The following DPYSL2 variants were observed in gnomAD, a reference collection of about 807,000 sequenced individuals.
The protein encoded by DPYSL2 is dihydropyrimidinase-related protein 2.
DPYSL2 carries 13 observed loss-of-function variants against 69.9 expected under a neutral mutation model. That is an observed-to-expected ratio of 0.19 (90% CI 0.12 to 0.30). DPYSL2 has a LOEUF of 0.30. Ranked by LOEUF, DPYSL2 falls within the 10% of genes least tolerant of loss-of-function variation. The pLI, the probability that DPYSL2 is intolerant of heterozygous loss-of-function variation, is 1.00. For synonymous variants in DPYSL2, 326 were observed against 359.1 expected (o/e 0.91, Z 1.04); for missense variants, 587 against 918.9 (o/e 0.64, Z 4.67).
At chr8:26,522,100 G>C (rs562047634) in intron 1 of DPYSL2, among the ~76,000 whole-genome samples, 1 of 152,156 alleles carries the variant, frequency 6.6e-6, no homozygotes, top group African/African-American at 2.4e-5. Context: ...TTGAGGTCAG[G>C]AGTTTGAGAT....
chr8:26,626,796 G>C lies in DPYSL2; in HGVS notation c.855+118G>C. ...TTCCTAGCTTCCTGGGAAGTGGCTG[G>C]TGGATGCAGTTACTGATGTAACTGA... On this transcript the variant is annotated intron_variant, in intron 5 of 13. Transcript: ENST00000521913. This position sits in a 1 kb window ranked among gnomAD's most constrained non-coding sequence, Gnocchi z 4.3. 3 of 1,057,444 alleles carry C rather than the reference G, an allele frequency of 2.8e-6. No homozygotes were observed. Among genetic ancestry groups the C allele is most frequent in the Middle Eastern group, 2.1e-4 (1 of 4,824 alleles). 65.5% of individuals were successfully genotyped at this position (1,057,444 alleles called of 1,614,324 possible).
chr8:26,529,077 G>T (rs1800439776), intron 1 of DPYSL2, among the ~76,000 whole-genome samples: 1 of 152,154 alleles, frequency 6.6e-6, no homozygotes. Context: ...GAATTGGTTA[G>T]CTTGGGAGGT....
In DPYSL2 at chr8:26,654,999, G is replaced by A. The variant is rs113276930; in HGVS notation, c.1943-616G>A. Among the ~76,000 whole-genome samples, 947 of 151,860 alleles carry A rather than the reference G, an allele frequency of 6.2e-3. 11 individuals are homozygous for A. The highest frequency in any genetic ancestry group is 0.022 in the African/African-American group (911 of 41,400). On this transcript the variant is annotated intron_variant, in intron 13 of 13. Transcript: ENST00000521913. This position sits in a 1 kb window ranked among gnomAD's most constrained non-coding sequence, Gnocchi z 5.0. Reference sequence around the variant, plus strand: ...TGGTACTACAGGCTTGCACCATCACGCCTGGCTAATTTTTTAATTTTTTTT... The same window carrying A: ...TGGTACTACAGGCTTGCACCATCACACCTGGCTAATTTTTTAATTTTTTTT...
rs1037866030 is a variant in DPYSL2 at position 26,565,528 on chromosome 8, G to A, written c.355-16441G>A. Among the ~76,000 whole-genome samples the A allele has an allele frequency of 6.6e-6, 1 of 152,170 alleles. No homozygotes were observed. Among genetic ancestry groups the A allele is most frequent in the Non-Finnish European group, 1.5e-5 (1 of 68,032 alleles). ...GCTCAGATAGCCCTTGGAGTGAATG[G>A]CTAAAGATAAGGGCAGGCCAAGGTC... On this transcript the variant is annotated intron_variant, in intron 1 of 13. Coordinates refer to ENST00000521913, the MANE Select transcript of DPYSL2 (RefSeq NM_001197293.3). The surrounding 1 kb of genome is among the most constrained non-coding windows in gnomAD (Gnocchi z 4.1).
intron 8 of DPYSL2, among the ~76,000 whole-genome samples, chr8:26,639,105 G>T (rs1802984968): frequency 6.6e-6 from 1 of 152,170 alleles, no homozygotes; most frequent in African/African-American, 2.4e-5. Context: ...TGTCCTGTGG[G>T]TCAATAGGAG....
At chr8:26,646,348 C>T (rs1803164029) in intron 10 of DPYSL2, among the ~76,000 whole-genome samples, 1 of 152,068 alleles carries the variant, frequency 6.6e-6, no homozygotes, top group Non-Finnish European at 1.5e-5. Flanking sequence ...GTCAAAGTTC[C>T]TTCCAGAAAG....
chr8:26,535,888 T>A (rs1426629593), intron 1 of DPYSL2, among the ~76,000 whole-genome samples: 2 of 141,774 alleles, frequency 1.4e-5, no homozygotes, highest in Admixed American at 1.4e-4. Flanking sequence ...AATTATAAGC[T>A]CTCTATGGGT....
intron 1 of DPYSL2, among the ~76,000 whole-genome samples, chr8:26,547,330 T>C (rs1379489716): frequency 6.6e-6 from 1 of 150,516 alleles, no homozygotes; most frequent in African/African-American, 2.5e-5. Context: ...GCCACTGCAC[T>C]CCAGCCTGGT....
chr8:26,616,115 C>G (rs1406672817), intron 3 of DPYSL2, among the ~76,000 whole-genome samples: 4 of 152,204 alleles, frequency 2.6e-5, no homozygotes, highest in Admixed American at 2.6e-4. Flanking sequence ...AGAGTTTGAA[C>G]TTCTTGTCTA....
chr8:26,577,122 TC>T (rs1801364821), intron 1 of DPYSL2: 1 of 443,122 alleles, frequency 2.3e-6, no homozygotes, highest in African/African-American at 2.1e-5. Flanking sequence ...GATGCCTCCT[TC>T]CCGGCTCGGA....
chr8:26,557,590 C>T (rs776488575), intron 1 of DPYSL2, among the ~76,000 whole-genome samples: 10 of 113,588 alleles, frequency 8.8e-5, no homozygotes, highest in Non-Finnish European at 1.7e-4. Context: ...CCAGCCTGGC[C>T]AACATGGCAA....
intron 11 of DPYSL2, among the ~76,000 whole-genome samples, chr8:26,649,193 G>A (rs575304775): frequency 6.6e-6 from 1 of 152,372 alleles, no homozygotes; most frequent in Admixed American, 6.5e-5. Flanking sequence ...CCAGTCTAAT[G>A]TTACATAGCG....
intron 1 of DPYSL2, among the ~76,000 whole-genome samples, chr8:26,568,229 C>G (rs56823694): frequency 6.6e-6 from 1 of 152,156 alleles, no homozygotes; most frequent in Non-Finnish European, 1.5e-5. Flanking sequence ...GTTGATGACA[C>G]TGTGGGGGTG....
Position 26,517,265 on chromosome 8 carries a change from T to C in DPYSL2, c.354+2586T>C, listed in dbSNP as rs1295460966. ...TTCCTTGACCCACATGCCACATGGC[T>C]CATGGAAGATGAGAGATGTTGGACA... On this transcript the variant is annotated intron_variant, in intron 1 of 13. Transcript: ENST00000521913. This position sits in a 1 kb window ranked among gnomAD's most constrained non-coding sequence, Gnocchi z 4.2. Among the ~76,000 whole-genome samples, 1 of 152,164 alleles carries C rather than the reference T, an allele frequency of 6.6e-6. No individual in the cohort carries two copies. Among genetic ancestry groups the C allele is most frequent in the Non-Finnish European group, 1.5e-5 (1 of 68,028 alleles).
In DPYSL2 at chr8:26,587,002, T is replaced by A. The variant is rs1801621080; in HGVS notation, c.628+3019T>A. Reference sequence around the variant, plus strand: ...TTTGCAAATAACCACCTATGTTTACTGACCTCTGTAGAATTTCTACTAGCC... The same window carrying A: ...TTTGCAAATAACCACCTATGTTTACAGACCTCTGTAGAATTTCTACTAGCC... On this transcript the variant is annotated intron_variant, in intron 3 of 13. Transcript: ENST00000521913. This position sits in a 1 kb window ranked among gnomAD's most constrained non-coding sequence, Gnocchi z 4.2. Among the ~76,000 whole-genome samples, 1 of 152,250 alleles carries A rather than the reference T, an allele frequency of 6.6e-6. No individual in the cohort carries two copies. Among genetic ancestry groups the A allele is most frequent in the Non-Finnish European group, 1.5e-5 (1 of 68,044 alleles).
At chr8:26,529,268 CT>C (rs1283150043) in intron 1 of DPYSL2, among the ~76,000 whole-genome samples, 11 of 149,028 alleles carry the variant, frequency 7.4e-5, no homozygotes, top group African/African-American at 1.5e-4. Context: ...ATCTATCTAT[CT>C]ATCTATCATC....
At chr8:26,529,761 A>G (rs1194742970) in intron 1 of DPYSL2, among the ~76,000 whole-genome samples, 2 of 136,408 alleles carry the variant, frequency 1.5e-5, no homozygotes, top group East Asian at 2.1e-4. Context: ...CAAATGAATT[A>G]TATTTCTGAC....
At chr8:26,578,189 GTCCCCT>G in intron 1 of DPYSL2, 1 of 1,610,436 alleles carries the variant, frequency 6.2e-7, no homozygotes. Context: ...AAAAACCCAA[GTCCCCT>G]TCCCGGCAGT....
chr8:26,514,590 G>C lies in DPYSL2; in HGVS notation c.265G>C (p.Ala89Pro). ...QPPYSRQGRR[A>P]GGEPSVESGR... ...GCCGTACTCGCGGCAGGGCCGGCGC[G>C]CCGGCGGAGAGCCATCTGTTGAATC... The change falls in exon 1 of 14, where the codon GCC (alanine) becomes CCC (proline). Residue 89 changes from alanine to proline, a missense_variant. Ala to Pro is a conservative substitution (Grantham distance 27). Around this residue, in one of 3 missense-constraint regions of DPYSL2, gnomAD observed 85 missense variants for 77.7 expected, o/e 1.09. Transcript: ENST00000521913. This position sits in a 1 kb window ranked among gnomAD's most constrained non-coding sequence, Gnocchi z 8.4. 6.6e-7 allele frequency: 1 copy of C among 1,513,678 alleles called. No homozygotes were observed. The highest frequency in any genetic ancestry group is 8.8e-7 in the Non-Finnish European group (1 of 1,137,356). 93.8% of individuals were successfully genotyped at this position (1,513,678 alleles called of 1,614,324 possible).
Sources: gnomAD v4.1 joint callset for allele counts (sites outside exome capture counted in the v4.1 genomes callset) on GRCh38, gnomAD v4.1.1 for gene constraint, gnomAD v4.1.1 regional missense constraint, Gnocchi (gnomAD v3.1) non-coding constraint, MANE v1.5 for transcripts, NCBI Gene and HGNC (gene_info 2026-07-23, HGNC 2026-07-21) for gene names.